The following SPAG1 variants were observed in gnomAD, a reference collection of about 807,000 sequenced individuals.
SPAG1 encodes the protein sperm associated antigen 1, also known as sperm-associated antigen 1.
In SPAG1, 69 loss-of-function variants were observed where a neutral mutation model predicts 100.5. The ratio of observed to expected loss-of-function variants is 0.69; its 90% CI spans 0.57 to 0.84. The LOEUF (loss-of-function observed/expected upper bound fraction) is 0.84. SPAG1 is among the 40% of genes least tolerant of loss of function. The pLI, the probability that SPAG1 is intolerant of heterozygous loss-of-function variation, is 0.00. For missense variants in SPAG1, 955 were observed against 1,133.1 expected, an observed-to-expected ratio of 0.84 and a Z score of 2.26; for synonymous variants, 336 against 411.6, an observed-to-expected ratio of 0.82 and a Z score of 2.22.
chr8:100,166,027 T>A, intron 3 of SPAG1, 54 bp downstream of exon 3: 1 of 1,432,894 alleles, frequency 7.0e-7, no homozygotes, highest in Non-Finnish European at 9.6e-7. Context: ...CTATATATGT[T>A]TACTTCACTT....
chr8:100,199,217 A>G (rs979719277), intron 10 of SPAG1, among the ~76,000 whole-genome samples: 3 of 152,320 alleles, frequency 2.0e-5, no homozygotes, highest in East Asian at 1.9e-4. Context: ...TAGCTATCCC[A>G]TTTTACATTC....
At chr8:100,235,877 T>TA (rs1186570432) in intron 16 of SPAG1, among the ~76,000 whole-genome samples, 1 of 151,736 alleles carries the variant, frequency 6.6e-6, no homozygotes, top group African/African-American at 2.4e-5. Context: ...CACTCACTTG[T>TA]AAAAAAAATT....
intron 3 of SPAG1, among the ~76,000 whole-genome samples, chr8:100,172,328 T>C (rs1380521308): frequency 2.0e-5 from 3 of 152,180 alleles, no homozygotes; most frequent in Admixed American, 2.0e-4. Context: ...CTTAAGAAAT[T>C]ATTTTTGGGC....
chr8:100,234,632 A>G (rs150491214), intron 16 of SPAG1, among the ~76,000 whole-genome samples: 2 of 152,344 alleles, frequency 1.3e-5, no homozygotes, highest in Non-Finnish European at 2.9e-5. Flanking sequence ...CAATTTGTGT[A>G]TATATTCACC....
intron 12 of SPAG1, among the ~76,000 whole-genome samples, chr8:100,215,577 T>G (rs1291251905): frequency 6.6e-6 from 1 of 152,246 alleles, no homozygotes; most frequent in African/African-American, 2.4e-5. Flanking sequence ...CTCGCTCTGT[T>G]GCCCAGGCGC....
intron 14 of SPAG1, among the ~76,000 whole-genome samples, chr8:100,225,998 GTTT>G (rs57004927): frequency 5.3e-5 from 7 of 132,116 alleles, no homozygotes; most frequent in Admixed American, 7.7e-5. Flanking sequence ...ATGCCAGCTA[GTTT>G]TTTTTTTTTT....
At chr8:100,172,318 C>T (rs1815895598) in intron 3 of SPAG1, among the ~76,000 whole-genome samples, 1 of 152,036 alleles carries the variant, frequency 6.6e-6, no homozygotes. Context: ...TTTCATTTTG[C>T]TTAAGAAATT....
intron 14 of SPAG1, 150 bp from the exon 15 acceptor site, chr8:100,231,006 G>A: frequency 2.2e-6 from 1 of 461,266 alleles, no homozygotes; most frequent in East Asian, 3.4e-5. Context: ...ATTTTAATTT[G>A]TCTACAAAGT....
At chr8:100,214,250 T>C (rs1269370111) in intron 12 of SPAG1, among the ~76,000 whole-genome samples, 1 of 152,226 alleles carries the variant, frequency 6.6e-6, no homozygotes, top group Non-Finnish European at 1.5e-5. Context: ...TTCAGATTGT[T>C]TCCAACAGGC....
intron 8 of SPAG1, among the ~76,000 whole-genome samples, chr8:100,187,691 T>G (rs1563782572): frequency 1.3e-5 from 2 of 152,144 alleles, no homozygotes; most frequent in East Asian, 3.9e-4. Flanking sequence ...AGCTTGCATT[T>G]GAACATTCTT....
chr8:100,221,072 CCA>C (rs1818254881), intron 13 of SPAG1, among the ~76,000 whole-genome samples: 1 of 142,288 alleles, frequency 7.0e-6, no homozygotes, highest in Non-Finnish European at 1.5e-5. Flanking sequence ...GATTCCAACT[CCA>C]AAAAAAAAAA....
chr8:100,240,427 G>A lies in SPAG1; in HGVS notation c.2305G>A (p.Gly769Arg). Residue 769 changes from glycine to arginine, a missense_variant, in exon 18 of 19, where the codon GGA (glycine) becomes AGA (arginine). Coordinates refer to ENST00000388798, the MANE Select transcript of SPAG1 (RefSeq NM_003114.5). ...GGTGAATGAAGGCAAGGAGGAGCCTGGAAGACCTGCAGGGGAGGTCTCCAT... is the reference window on the plus strand; with the variant it reads ...GGTGAATGAAGGCAAGGAGGAGCCTAGAAGACCTGCAGGGGAGGTCTCCAT... ...QEVNEGKEEP[G>R]RPAGEVSMGC... 6.2e-7 allele frequency: 1 copy of A among 1,601,474 alleles called. No individual in the cohort carries two copies. The highest frequency in any genetic ancestry group is 1.7e-4 in the Middle Eastern group (1 of 5,964).
chr8:100,230,473 C>T (rs1435299804), intron 14 of SPAG1, among the ~76,000 whole-genome samples: 1 of 152,182 alleles, frequency 6.6e-6, no homozygotes, highest in Non-Finnish European at 1.5e-5. Flanking sequence ...GACTCTGCCT[C>T]TTGTCATATA....
chr8:100,183,122 G>A (rs897880911), intron 4 of SPAG1, among the ~76,000 whole-genome samples: 1 of 152,000 alleles, frequency 6.6e-6, no homozygotes, highest in South Asian at 2.1e-4. Context: ...AAAGGTGTGC[G>A]CCACCATGCC....
intron 1 of SPAG1, among the ~76,000 whole-genome samples, chr8:100,159,187 T>C (rs1386605600): frequency 1.3e-5 from 2 of 152,190 alleles, no homozygotes; most frequent in Non-Finnish European, 2.9e-5. Context: ...GATCCCTTGC[T>C]CTTTGGAAAA....
intron 6 of SPAG1, 131 bp from the exon 7 acceptor site, chr8:100,184,497 T>C (rs1816501645): frequency 2.0e-6 from 1 of 502,072 alleles, no homozygotes; most frequent in Non-Finnish European, 3.4e-6. Context: ...GGGAACCTTT[T>C]ATTTTCTTTT....
intron 14 of SPAG1, among the ~76,000 whole-genome samples, chr8:100,230,782 C>T (rs1209548734): frequency 6.6e-6 from 1 of 152,008 alleles, no homozygotes; most frequent in African/African-American, 2.4e-5. Context: ...TGCCACTACG[C>T]CCAGCTAATT....
chr8:100,198,556 T>G (rs946722112), intron 10 of SPAG1, among the ~76,000 whole-genome samples: 2 of 152,226 alleles, frequency 1.3e-5, no homozygotes, highest in Non-Finnish European at 2.9e-5. Context: ...TTCTTTTTCT[T>G]TCCTATCAAA....
chr8:100,165,322 C>A, intron 2 of SPAG1: 1 of 511,550 alleles, frequency 2.0e-6, no homozygotes, highest in South Asian at 1.5e-5. Flanking sequence ...CCTATTCCAT[C>A]ATTGGTAATA....
Sources: allele counts gnomAD v4.1 joint callset (sites outside exome capture counted in the v4.1 genomes callset), GRCh38; gene constraint gnomAD v4.1.1; transcripts MANE v1.5; gene names NCBI Gene and HGNC (gene_info 2026-07-23, HGNC 2026-07-21).